KCNQ1: variants seen among roughly 807,000 people sequenced by gnomAD.
KCNQ1 encodes potassium voltage-gated channel subfamily KQT member 1.
KCNQ1 carries 49 observed loss-of-function variants against 72.4 expected under a neutral mutation model. That is an observed-to-expected ratio of 0.68 (90% CI 0.54 to 0.86). The LOEUF (loss-of-function observed/expected upper bound fraction) is 0.86, where lower values mean the gene tolerates loss of function less well. KCNQ1 is among the 40% of genes least tolerant of loss of function. The probability of loss-of-function intolerance (pLI) is 0.00; values close to 1 mark genes in which losing one functional copy is unlikely to be tolerated. For missense variants in KCNQ1, 790 were observed against 945.1 expected, an observed-to-expected ratio of 0.84 and a Z score of 2.15; for synonymous variants, 450 against 412.6, an observed-to-expected ratio of 1.09 and a Z score of -1.10.
At position 2,572,942 on chromosome 11, in the gene KCNQ1, C is replaced by T. The variant is rs199472737; in HGVS notation, c.877C>T (p.Arg293Cys). 5.2e-5 allele frequency: 84 copies of T among 1,613,674 alleles called. No homozygotes were observed. The Middle Eastern group carries it at 8.2e-4, about 16-fold the overall frequency. The stretch of plus-strand genomic sequence containing the variant: ...GAAGGACGCGGTGAACGAGTCAGGC[C>T]GCGTGGAGTTCGGCAGCTACGCAGA... The part of the protein sequence containing the change: ...AEKDAVNESG[R>C]VEFGSYADAL... The change falls in exon 6 of 16, where the codon CGC becomes TGC. Residue 293 changes from arginine (R) to cysteine (C), a missense_variant. By Grantham distance (180) the Arg-to-Cys change is radical. Coordinates refer to ENST00000155840, the MANE Select transcript of KCNQ1 (RefSeq NM_000218.3).
chr11:2,751,175 G>A (rs1485406360), intron 11 of KCNQ1, among the ~76,000 whole-genome samples: 2 of 152,134 alleles, frequency 1.3e-5, no homozygotes, highest in East Asian at 1.9e-4. Flanking sequence ...GCCGGGCTCC[G>A]CTCGTCCCTC....
At position 2,830,183 on chromosome 11, in the gene KCNQ1, C is replaced by T. The variant is rs963296033; in HGVS notation, c.1795-17584C>T. On this transcript the variant is annotated intron_variant, in intron 15 of 15. Coordinates refer to ENST00000155840, the MANE Select transcript of KCNQ1 (RefSeq NM_000218.3). This position sits in a 1 kb window ranked among gnomAD's most constrained non-coding sequence, Gnocchi z 7.7. ...GGAAAGACCAGCAGGCCCTTTACAC[C>T]GTGGGCACAGGCTCAGGACTGGCTG... Among the ~76,000 whole-genome samples the T allele has an allele frequency of 2.4e-4, 37 of 152,072 alleles. No homozygotes were observed. The highest frequency in any genetic ancestry group is 8.5e-4 in the African/African-American group (35 of 41,402).
At chr11:2,666,737 G>C (rs191136528) in intron 11 of KCNQ1, 56 of 398,770 alleles carry the variant, frequency 1.4e-4, no homozygotes, top group Admixed American at 2.2e-4. Context: ...CAGACCCCAG[G>C]GTACCAGGCA....
intron 5 of KCNQ1, 103 bp downstream of exon 5, chr11:2,572,212 G>A (rs1480545878): frequency 1.5e-5 from 13 of 856,296 alleles, no homozygotes; most frequent in Non-Finnish European, 2.0e-5. Context: ...AGGCCCCGGG[G>A]GCCGGTGGGT....
Position 2,746,875 on chromosome 11 carries a change from G to A in KCNQ1, c.1515-21969G>A, listed in dbSNP as rs912306760. On this transcript the variant is annotated intron_variant, in intron 11 of 15. Transcript: ENST00000155840. The surrounding 1 kb of genome is among the most constrained non-coding windows in gnomAD (Gnocchi z 5.9). ...ACTGGTGACCCCTGTGAGCCCCACT[G>A]GGGACAGATCCAGGAAGGGACCTCC... Among the ~76,000 whole-genome samples the A allele has an allele frequency of 2.0e-5, 3 of 152,240 alleles. No individual in the cohort carries two copies. The highest frequency in any genetic ancestry group is 7.2e-5 in the African/African-American group (3 of 41,460).
chr11:2,559,997 C>A lies in KCNQ1; in HGVS notation c.478-10631C>A, dbSNP rs1848134960. Among the ~76,000 whole-genome samples, 1 of 151,024 alleles carries A rather than the reference C, an allele frequency of 6.6e-6. No individual in the cohort carries two copies. Among genetic ancestry groups the A allele is most frequent in the Admixed American group, 6.6e-5 (1 of 15,212 alleles). ...AGGGGCAGCCAGACCAGGAGGAGCTCCAGAGGTGCCCTGTGGGGAGAGGCA... is the reference window on the plus strand; with the variant it reads ...AGGGGCAGCCAGACCAGGAGGAGCTACAGAGGTGCCCTGTGGGGAGAGGCA... On this transcript the variant is annotated intron_variant, in intron 2 of 15. Coordinates refer to ENST00000155840, the MANE Select transcript of KCNQ1 (RefSeq NM_000218.3). The surrounding 1 kb of genome is among the most constrained non-coding windows in gnomAD (Gnocchi z 4.9).
At chr11:2,789,555 A>T (rs2134006408) in intron 15 of KCNQ1, among the ~76,000 whole-genome samples, 1 of 152,292 alleles carries the variant, frequency 6.6e-6, no homozygotes, top group East Asian at 1.9e-4. Flanking sequence ...TAAGAAACCA[A>T]AGTTGCCAAG....
intron 15 of KCNQ1, among the ~76,000 whole-genome samples, chr11:2,844,151 G>A (rs189788254): frequency 2.0e-3 from 306 of 152,338 alleles, no homozygotes; most frequent in African/African-American, 7.0e-3. Context: ...CGCCCTGCCC[G>A]CAGAGTGGTG....
At chr11:2,453,754 T>A (rs1846146808) in intron 1 of KCNQ1, among the ~76,000 whole-genome samples, 1 of 152,196 alleles carries the variant, frequency 6.6e-6, no homozygotes, top group Admixed American at 6.5e-5. Context: ...CCCCAGAACC[T>A]ACCTGAAGGC....
At chr11:2,460,187 G>A (rs1045624991) in intron 1 of KCNQ1, among the ~76,000 whole-genome samples, 22 of 152,220 alleles carry the variant, frequency 1.4e-4, no homozygotes, top group African/African-American at 5.3e-4. Context: ...GGCCCAGCTG[G>A]GGGCAGGACT....
At chr11:2,756,458 ACATG>A (rs1846300230) in intron 11 of KCNQ1, among the ~76,000 whole-genome samples, 1 of 146,210 alleles carries the variant, frequency 6.8e-6, no homozygotes. Flanking sequence ...AAAAAAAAAA[ACATG>A]ACTTTTGGGA....
At position 2,671,233 on chromosome 11, in the gene KCNQ1, G is replaced by T; in HGVS notation, c.1514+9152G>T. Reference sequence around the variant, plus strand: ...GAGACAGAGGTAGACAGGAGTCCAGGTCTGACCTCAAAATCCGATGTCCCC... The same window carrying T: ...GAGACAGAGGTAGACAGGAGTCCAGTTCTGACCTCAAAATCCGATGTCCCC... On this transcript the variant is annotated intron_variant, in intron 11 of 15. Coordinates refer to ENST00000155840, the MANE Select transcript of KCNQ1 (RefSeq NM_000218.3). The surrounding 1 kb of genome is among the most constrained non-coding windows in gnomAD (Gnocchi z 4.7). 1 of 398,542 alleles carries T rather than the reference G, an allele frequency of 2.5e-6. No individual in the cohort carries two copies. Among genetic ancestry groups the T allele is most frequent in the Non-Finnish European group, 4.4e-6 (1 of 226,074 alleles). The allele number at this position is 398,542 out of a possible 1,614,324, so 24.7% of individuals were successfully genotyped here.
At position 2,572,125 on chromosome 11, in the gene KCNQ1, T is replaced by G. The variant is rs1376623063; in HGVS notation, c.780+16T>G. 1.3e-6 allele frequency: 2 copies of G among 1,594,124 alleles called. No homozygotes were observed. The highest frequency in any genetic ancestry group is 2.2e-5 in the East Asian group (1 of 44,730). The stretch of plus-strand genomic sequence containing the variant: ...CCACCGCCAGGTGGGTGGCCCGGGT[T>G]AGGGGTGCGGGGCCCAGGTTGGGGA... On this transcript the variant is annotated intron_variant, in intron 5 of 15. Transcript: ENST00000155840.
chr11:2,552,425 G>A (rs550039529), intron 2 of KCNQ1, among the ~76,000 whole-genome samples: 19 of 152,314 alleles, frequency 1.2e-4, no homozygotes, highest in African/African-American at 4.3e-4. Flanking sequence ...TTTGTCATCT[G>A]TTCTGCCAGG....
intron 11 of KCNQ1, chr11:2,681,829 A>G: frequency 5.0e-6 from 2 of 398,446 alleles, no homozygotes; most frequent in African/African-American, 2.1e-5. Context: ...CATATCATCC[A>G]TGCTCCCCAA....
chr11:2,836,758 G>A (rs145260346), intron 15 of KCNQ1, among the ~76,000 whole-genome samples: 2 of 152,346 alleles, frequency 1.3e-5, no homozygotes, highest in African/African-American at 2.4e-5. Context: ...GCTAAACCTC[G>A]CTGACCAGGC....
intron 2 of KCNQ1, among the ~76,000 whole-genome samples, chr11:2,568,436 C>T (rs1490431761): frequency 2.0e-5 from 3 of 152,234 alleles, no homozygotes. Flanking sequence ...GGCCTCTGTG[C>T]CGTCATGGGC....
chr11:2,460,366 A>G (rs998894900), intron 1 of KCNQ1, among the ~76,000 whole-genome samples: 5 of 152,114 alleles, frequency 3.3e-5, no homozygotes, highest in African/African-American at 7.2e-5. Flanking sequence ...GAGGGCAGCA[A>G]TGCCCCAAGG....
rs1347160559 is a variant in KCNQ1, at chr11:2,515,485, C to G, written c.387-12443C>G. Among the ~76,000 whole-genome samples, 2 of 152,148 alleles carry G rather than the reference C, an allele frequency of 1.3e-5. No individual in the cohort carries two copies. The highest frequency in any genetic ancestry group is 4.8e-5 in the African/African-American group (2 of 41,438). On this transcript the variant is annotated intron_variant, in intron 1 of 15. Coordinates refer to ENST00000155840, the MANE Select transcript of KCNQ1 (RefSeq NM_000218.3). The surrounding 1 kb of genome is among the most constrained non-coding windows in gnomAD (Gnocchi z 4.7). Reference sequence around the variant, plus strand: ...CCCCTGCTGCCCAGCAAGACCACCACCCTCTGCTCCAGGACAGCGCAGCCG... The same window carrying G: ...CCCCTGCTGCCCAGCAAGACCACCAGCCTCTGCTCCAGGACAGCGCAGCCG...
Sources: allele counts gnomAD v4.1 joint callset (sites outside exome capture counted in the v4.1 genomes callset), GRCh38; gene constraint gnomAD v4.1.1; non-coding constraint Gnocchi (gnomAD v3.1); transcripts MANE v1.5; gene names NCBI Gene and HGNC (gene_info 2026-07-23, HGNC 2026-07-21).